Variants in CEP192 observed in about 807,000 individuals in gnomAD.
The protein encoded by CEP192 is centrosomal protein of 192 kDa.
A neutral mutation model predicts 271.8 loss-of-function variants in CEP192; 151 were observed. That is an observed-to-expected ratio of 0.56 (90% CI 0.49 to 0.64). CEP192 has a LOEUF of 0.64. Among genes scored for constraint, CEP192 ranks in the 30% least tolerant of loss-of-function variants. The probability of loss-of-function intolerance (pLI) is 0.00; values close to 1 mark genes in which losing one functional copy is unlikely to be tolerated. For synonymous variants in CEP192, 995 were observed against 1,076.5 expected, an observed-to-expected ratio of 0.92 and a Z score of 1.48; for missense variants, 2,910 against 3,020.5, an observed-to-expected ratio of 0.96 and a Z score of 0.86.
chr18:13,012,661 TG>T (rs1439299449), intron 4 of CEP192, among the ~76,000 whole-genome samples: 1 of 152,208 alleles, frequency 6.6e-6, no homozygotes, highest in East Asian at 1.9e-4. Flanking sequence ...TCCCACTATT[TG>T]GGTTTGTCCC....
At position 13,096,184 on chromosome 18, in the gene CEP192, G is replaced by A; in HGVS notation, c.6434G>A (p.Cys2145Tyr). The change falls in exon 36 of 45, where the codon TGT becomes TAT. Residue 2145 changes from cysteine (C) to tyrosine (Y), a missense_variant and splice_region_variant. Coordinates refer to ENST00000506447, the MANE Select transcript of CEP192 (RefSeq NM_032142.4). ...ACATTTTATGTATCTGACAAAATAG[G>A]TGACATGGCAAAAACTGGACGTTTC... ...EHLILVAPSP[C>Y]DMAKTGRFQI... 1 of 1,613,572 alleles carries A rather than the reference G, an allele frequency of 6.2e-7. No individual in the cohort carries two copies. Among genetic ancestry groups the A allele is most frequent in the Non-Finnish European group, 8.5e-7 (1 of 1,179,738 alleles).
rs117642171 is a variant in CEP192, at chr18:13,050,533, C to T, written c.3017+642C>T. On this transcript the variant is annotated intron_variant, in intron 17 of 44. Transcript: ENST00000506447. ...TGGATGCCTCAGTTTGAAACACTTT[C>T]ATATACATATACACAGTCACTTCTT... Among the ~76,000 whole-genome samples, 321 of 151,990 alleles carry T rather than the reference C, an allele frequency of 2.1e-3. 8 individuals are homozygous for T. In the East Asian group the frequency reaches 0.047, roughly 22 times the overall value.
chr18:13,100,560 A>G, intron 38 of CEP192, 48 bp downstream of exon 38: 1 of 1,380,668 alleles, frequency 7.2e-7, no homozygotes. Context: ...TGATATATTG[A>G]GTCTAATGCT....
intron 5 of CEP192, 52 bp downstream of exon 5, chr18:13,013,077 A>T: frequency 8.9e-6 from 8 of 894,504 alleles, no homozygotes; most frequent in Non-Finnish European, 1.4e-5. Context: ...AGGGCAGTAA[A>T]ATTTCATATT....
chr18:13,068,854 A>G lies in CEP192; in HGVS notation c.4825A>G (p.Ile1609Val), dbSNP rs761962346. The G allele has an allele frequency of 1.2e-6, 2 of 1,614,152 alleles. No homozygotes were observed. Among genetic ancestry groups the G allele is most frequent in the South Asian group, 1.1e-5 (1 of 91,082 alleles). ...TAAAAGAATGAACTTTTTTTTAGAT[A>G]TTCTGGACTCAGCAGAAGAATTCTC... ...SPKKQISSSD[I>V]LDSAEEFSAK... is the part of the protein sequence containing the mutation. The change falls in exon 25 of 45, where the codon ATT becomes GTT. Residue 1609 changes from isoleucine to valine, a missense_variant and splice_region_variant. Ile to Val is a conservative substitution (Grantham distance 29). Transcript: ENST00000506447.
At chr18:13,065,434 T>G (rs1456935690) in intron 21 of CEP192, among the ~76,000 whole-genome samples, 1 of 152,234 alleles carries the variant, frequency 6.6e-6, no homozygotes, top group East Asian at 1.9e-4. Flanking sequence ...TTGTTCATTT[T>G]TTCCATGAGT....
chr18:13,037,210 G>A (rs761186403), intron 11 of CEP192, 27 bp from the exon 12 acceptor site: 10 of 947,636 alleles, frequency 1.1e-5, no homozygotes, highest in Non-Finnish European at 1.3e-5. Flanking sequence ...TTAGTGTAAT[G>A]TATTTATATA....
chr18:13,003,879 G>T (rs758982323), intron 3 of CEP192, among the ~76,000 whole-genome samples: 1 of 152,158 alleles, frequency 6.6e-6, no homozygotes, highest in African/African-American at 2.4e-5. Flanking sequence ...CACATTGTCT[G>T]GGAGTGAGGC....
At position 13,069,057 on chromosome 18, in the gene CEP192, C is replaced by T. The variant is rs112715845; in HGVS notation, c.4963-32C>T. The stretch of plus-strand genomic sequence containing the variant: ...ATGCTGATTTCACTTTGTGACAGTT[C>T]GTTGAAATGTCTGTCTTGCCCCATC... On this transcript the variant is annotated intron_variant, in intron 25 of 44. Transcript: ENST00000506447. 2.1e-3 allele frequency: 3,386 copies of T among 1,613,900 alleles called. 57 individuals carry two copies. The African/African-American group carries it at 0.041, about 19-fold the overall frequency.
intron 3 of CEP192, among the ~76,000 whole-genome samples, chr18:13,001,791 C>T (rs2033662480): frequency 1.3e-5 from 2 of 152,172 alleles, no homozygotes; most frequent in African/African-American, 4.8e-5. Flanking sequence ...GCAACCTCTG[C>T]CTCCCTGGTT....
intron 39 of CEP192, chr18:13,104,021 G>A (rs958364710): frequency 5.5e-6 from 2 of 361,318 alleles, no homozygotes; most frequent in African/African-American, 4.2e-5. Flanking sequence ...AATTCATTTA[G>A]TTGGTTTTCT....
chr18:13,120,671 A>G (rs1305622075), intron 44 of CEP192, among the ~76,000 whole-genome samples: 2 of 152,236 alleles, frequency 1.3e-5, no homozygotes, highest in African/African-American at 2.4e-5. Flanking sequence ...TTTATACTCT[A>G]TTAGTGGCGG....
In CEP192 at chr18:13,029,763, T is replaced by G. The variant is rs2035510437; in HGVS notation, c.1151T>G (p.Phe384Cys). 1 of 1,551,534 alleles carries G rather than the reference T, an allele frequency of 6.4e-7. No individual in the cohort carries two copies. The highest frequency in any genetic ancestry group is 8.7e-7 in the Non-Finnish European group (1 of 1,146,956). The change falls in exon 10 of 45, where the codon TTT becomes TGT. Residue 384 changes from phenylalanine to cysteine, a missense_variant. Transcript: ENST00000506447. The part of the protein sequence containing the change: ...FHDANANRGG[F>C]DLTDPVKQGA... ...GATGCAAATGCCAATAGAGGTGGTT[T>G]TGATCTGACTGACCCTGTAAAACAG...
chr18:13,077,194 T>A (rs1293919278), intron 30 of CEP192, among the ~76,000 whole-genome samples: 1 of 152,208 alleles, frequency 6.6e-6, no homozygotes, highest in Non-Finnish European at 1.5e-5. Context: ...TCGGAATAAG[T>A]TATGATGGTT....
intron 44 of CEP192, among the ~76,000 whole-genome samples, chr18:13,120,398 C>T (rs768851243): frequency 3.9e-5 from 6 of 152,108 alleles, no homozygotes; most frequent in South Asian, 2.1e-4. Flanking sequence ...TTTTTGTGGA[C>T]GTTAACTTGT....
intron 13 of CEP192, among the ~76,000 whole-genome samples, 153 bp downstream of exon 13, chr18:13,038,732 C>CA (rs1339403369): frequency 6.6e-6 from 1 of 152,198 alleles, no homozygotes; most frequent in Non-Finnish European, 1.5e-5. Flanking sequence ...ACCTTTACTG[C>CA]AGTTCTAGCT....
Position 13,018,503 on chromosome 18 carries a change from C to G in CEP192, c.813C>G (p.Asn271Lys). 3 of 1,535,736 alleles carry G rather than the reference C, an allele frequency of 2.0e-6. No homozygotes were observed. The highest frequency in any genetic ancestry group is 2.6e-6 in the Non-Finnish European group (3 of 1,136,552). ...LRQANENGSL[N>K]CKFQSENNSS... ...AGGCAAATGAAAACGGTAGCTTAAA[C>G]TGCAAGTTTCAATCAGAAAATAACA... Residue 271 changes from asparagine to lysine, a missense_variant, in exon 8 of 45, where the codon AAC (asparagine) becomes AAG (lysine). By Grantham distance (94) the Asn-to-Lys change is moderately conservative. Transcript: ENST00000506447.
In CEP192 at chr18:13,073,235, A is replaced by G. The variant is rs763954484; in HGVS notation, c.5616+50A>G. The stretch of plus-strand genomic sequence containing the variant: ...CTTCCCCTGGAGTTTATGCCATTTT[A>G]TAACTATTGGTTTAATGTTGTAAAT... On this transcript the variant is annotated intron_variant, in intron 30 of 44. Transcript: ENST00000506447. 4.8e-6 allele frequency: 7 copies of G among 1,455,372 alleles called. No individual in the cohort carries two copies. The East Asian group carries it at 1.4e-4, about 28-fold the overall frequency. The allele number at this position is 1,455,372 out of a possible 1,614,324, so 90.2% of individuals were successfully genotyped here.
rs769135898 is a variant in CEP192, at chr18:13,057,651, C to T, written c.4175C>T (p.Thr1392Ile). The T allele has an allele frequency of 1.9e-6, 3 of 1,614,130 alleles. No individual in the cohort carries two copies. Among genetic ancestry groups the T allele is most frequent in the Non-Finnish European group, 2.5e-6 (3 of 1,180,000 alleles). The change falls in exon 20 of 45, where the codon ACC (threonine) becomes ATC (isoleucine). Residue 1392 changes from threonine (T) to isoleucine (I), a missense_variant. Physicochemically the swap from Thr to Ile is moderately conservative, Grantham distance 89. Coordinates refer to ENST00000506447, the MANE Select transcript of CEP192 (RefSeq NM_032142.4). Reference protein sequence around the residue: ...HACCVGIASQTLLSVLNPTDR... With the variant: ...HACCVGIASQILLSVLNPTDR... ...TGCTGTGTCGGGATCGCTTCCCAGACCCTCCTCAGTGTGCTTAATCCAACT... is the reference window on the plus strand; with the variant it reads ...TGCTGTGTCGGGATCGCTTCCCAGATCCTCCTCAGTGTGCTTAATCCAACT...
Sources: allele counts gnomAD v4.1 joint callset (sites outside exome capture counted in the v4.1 genomes callset), GRCh38; gene constraint gnomAD v4.1.1; transcripts MANE v1.5; gene names NCBI Gene and HGNC (gene_info 2026-07-23, HGNC 2026-07-21).